Variants in DNAH7 observed in about 807,000 individuals in gnomAD.
DNAH7 encodes dynein axonemal heavy chain 7.
A neutral mutation model predicts 444.6 loss-of-function variants in DNAH7; 397 were observed. That is an observed-to-expected ratio of 0.89 (90% CI 0.82 to 0.97). The LOEUF (loss-of-function observed/expected upper bound fraction) is 0.97. Ranked by LOEUF, DNAH7 falls within the 50% of genes least tolerant of loss-of-function variation. The pLI, the probability that DNAH7 is intolerant of heterozygous loss-of-function variation, is 0.00. For synonymous variants in DNAH7, 1,636 were observed against 1,624.4 expected (o/e 1.01, Z -0.17); for missense variants, 4,902 against 4,800.8 (o/e 1.02, Z -0.62).
chr2:195,787,055 C>T lies in DNAH7; in HGVS notation c.10833G>A (p.Leu3611=), dbSNP rs1184161986. Residue 3611 remains leucine (L), a synonymous_variant, in exon 58 of 65, where the codon CTG becomes CTA. Transcript: ENST00000312428. ...NIPYEFNETD[L]RISVQQLHMF... ...TGTGGAGCTGCTGTACGCTGATTCT[C>T]AGATCTGTCTCATTGAACTCATAAG... The T allele has an allele frequency of 5.0e-6, 8 of 1,609,754 alleles. No individual in the cohort carries two copies. Among genetic ancestry groups the T allele is most frequent in the Admixed American group, 3.4e-5 (2 of 58,372 alleles).
chr2:195,850,447 C>A (rs1256266102), intron 46 of DNAH7, among the ~76,000 whole-genome samples: 2 of 152,104 alleles, frequency 1.3e-5, no homozygotes, highest in East Asian at 1.9e-4. Flanking sequence ...AAATCCAGGG[C>A]TTGTATATTC....
intron 47 of DNAH7, among the ~76,000 whole-genome samples, chr2:195,842,758 T>C (rs981628513): frequency 2.0e-5 from 3 of 152,126 alleles, no homozygotes; most frequent in Non-Finnish European, 4.4e-5. Context: ...AATCACTGAA[T>C]GGTTTAGAAT....
At chr2:196,068,659 G>C (rs1004765310) in intron 1 of DNAH7, 38 bp downstream of exon 1, 1 of 1,548,962 alleles carries the variant, frequency 6.5e-7, no homozygotes, top group Non-Finnish European at 8.7e-7. Flanking sequence ...GGGAAGCGTC[G>C]CGGCGGCGGC....
intron 5 of DNAH7, among the ~76,000 whole-genome samples, chr2:196,028,924 G>A (rs1008654327): frequency 6.6e-6 from 1 of 152,150 alleles, no homozygotes; most frequent in Non-Finnish European, 1.5e-5. Context: ...GCAAATCCAG[G>A]AATGCAGTGT....
At chr2:196,044,201 A>ATGTGTGTG (rs150739697) in intron 5 of DNAH7, among the ~76,000 whole-genome samples, 201 of 132,708 alleles carry the variant, frequency 1.5e-3, no homozygotes, top group African/African-American at 6.3e-3. Context: ...ATATATATAT[A>ATGTGTGTG]TATGTGTGTG....
intron 27 of DNAH7, chr2:195,905,297 T>C (rs183225574): frequency 1.3e-3 from 194 of 152,288 alleles, no homozygotes; most frequent in African/African-American, 4.6e-3. Context: ...CAAGAAAGGC[T>C]TTCCAAAAGA....
chr2:195,773,707 T>C (rs539143767), intron 60 of DNAH7, among the ~76,000 whole-genome samples: 7 of 152,186 alleles, frequency 4.6e-5, no homozygotes, highest in Non-Finnish European at 1.0e-4. Flanking sequence ...TAAAGATAAG[T>C]GGAATTCATT....
At chr2:195,778,729 T>TACACATATATATACACATATATATATAC (rs1559089997) in intron 58 of DNAH7, among the ~76,000 whole-genome samples, 6 of 36,008 alleles carry the variant, frequency 1.7e-4, no homozygotes, top group Non-Finnish European at 3.0e-4. Context: ...CATATATATA[T>TACACATATATATACACATATATATATAC]ACACATATAT....
At chr2:196,051,451 C>G (rs949830553) in intron 2 of DNAH7, among the ~76,000 whole-genome samples, 5 of 152,126 alleles carry the variant, frequency 3.3e-5, no homozygotes, top group African/African-American at 1.2e-4. Context: ...AAAATTATAT[C>G]CAGCAATACT....
intron 15 of DNAH7, among the ~76,000 whole-genome samples, chr2:195,982,998 A>T (rs930526574): frequency 5.9e-5 from 9 of 152,346 alleles, no homozygotes; most frequent in Admixed American, 5.9e-4. Context: ...TGTCTGAAAC[A>T]CAAAGGATAA....
intron 40 of DNAH7, 105 bp from the exon 41 acceptor site, chr2:195,865,126 T>C (rs1700253279): frequency 1.7e-6 from 2 of 1,177,496 alleles, no homozygotes; most frequent in Non-Finnish European, 1.2e-6. Context: ...AGAAAATTTC[T>C]GCAGGTTTTA....
Position 195,858,509 on chromosome 2 carries a change from ACT to A in DNAH7, c.8030_8031del (p.Glu2677ValfsTer7), listed in dbSNP as rs1699846169. 1 of 1,612,310 alleles carries A rather than the reference ACT, an allele frequency of 6.2e-7. No homozygotes were observed. Among genetic ancestry groups the A allele is most frequent in the Non-Finnish European group, 8.5e-7 (1 of 1,179,182 alleles). ...ADLAGALPILESALAALDTLT... is the reference protein window; with the variant it reads ...ADLAGALPILXSALAALDTLT... Reference sequence around the variant, plus strand: ...AGAGTATCAAGGGCGGCCAGTGCTGACTCTAATATTGGCAAGGCACCTGCCAG... The same window carrying A: ...AGAGTATCAAGGGCGGCCAGTGCTGACTAATATTGGCAAGGCACCTGCCAG... On this transcript the variant is annotated frameshift_variant, in exon 43 of 65. Coordinates refer to ENST00000312428, the MANE Select transcript of DNAH7 (RefSeq NM_018897.3). LOFTEE classifies it high-confidence loss of function.
chr2:195,828,907 C>T (rs551411096), intron 48 of DNAH7, among the ~76,000 whole-genome samples: 22 of 152,136 alleles, frequency 1.4e-4, no homozygotes, highest in Non-Finnish European at 2.8e-4. Context: ...CAGTTAACTC[C>T]AAACTTACTC....
At chr2:195,909,269 G>A (rs944608559) in intron 25 of DNAH7, among the ~76,000 whole-genome samples, 1 of 152,080 alleles carries the variant, frequency 6.6e-6, no homozygotes, top group Non-Finnish European at 1.5e-5. Context: ...AAAATAAAAT[G>A]TGCTTTGAAA....
intron 15 of DNAH7, among the ~76,000 whole-genome samples, chr2:195,974,271 A>T (rs1692039627): frequency 6.6e-6 from 1 of 152,194 alleles, no homozygotes; most frequent in South Asian, 2.1e-4. Context: ...AAGTAACAAA[A>T]TGTCTAACTG....
chr2:195,886,197 C>T lies in DNAH7; in HGVS notation c.5482G>A (p.Ala1828Thr), dbSNP rs894913303. Residue 1828 changes from alanine (A) to threonine (T), a missense_variant, in exon 34 of 65, where the codon GCT becomes ACT. Coordinates refer to ENST00000312428, the MANE Select transcript of DNAH7 (RefSeq NM_018897.3). Reference sequence around the variant, plus strand: ...CTCTCCTTTAGTTTGACTTCATCAGCAAAATCATCCATAAAACAGTCTATT... The same window carrying T: ...CTCTCCTTTAGTTTGACTTCATCAGTAAAATCATCCATAAAACAGTCTATT... ...NLIDCFMDDF[A>T]DEVKLKERND... is the part of the protein sequence containing the mutation. 6.2e-7 allele frequency: 1 copy of T among 1,613,826 alleles called. No individual in the cohort carries two copies. The highest frequency in any genetic ancestry group is 8.5e-7 in the Non-Finnish European group (1 of 1,179,880).
Position 196,024,426 on chromosome 2 carries a change from T to TA in DNAH7, c.743+2dup, listed in dbSNP as rs1389733557. The stretch of plus-strand genomic sequence containing the variant: ...ACATTCTTAGAGAAATCTGATCACT[T>TA]ACTCAGCACGATGGGCTGGAAGTTC... On this transcript the variant is annotated splice_region_variant and intron_variant, in intron 8 of 64. Transcript: ENST00000312428. The TA allele has an allele frequency of 6.4e-7, 1 of 1,568,452 alleles. No individual in the cohort carries two copies. Among genetic ancestry groups the TA allele is most frequent in the Non-Finnish European group, 8.6e-7 (1 of 1,160,602 alleles).
At chr2:195,875,411 A>G (rs779642443) in intron 38 of DNAH7, among the ~76,000 whole-genome samples, 1 of 146,892 alleles carries the variant, frequency 6.8e-6, no homozygotes, top group Non-Finnish European at 1.5e-5. Context: ...GGTGGGAGAA[A>G]AAAGTTTCAG....
At chr2:195,953,011 C>G (rs1245112457) in intron 19 of DNAH7, among the ~76,000 whole-genome samples, 1 of 152,136 alleles carries the variant, frequency 6.6e-6, no homozygotes, top group African/African-American at 2.4e-5. Context: ...GGAGAAGAGG[C>G]ATTCTGGTTT....
Sources: allele counts gnomAD v4.1 joint callset (sites outside exome capture counted in the v4.1 genomes callset), GRCh38; gene constraint gnomAD v4.1.1; transcripts MANE v1.5; gene names NCBI Gene and HGNC (gene_info 2026-07-23, HGNC 2026-07-21).